The following PLD3 variants were observed in gnomAD, a reference collection of about 807,000 sequenced individuals.
PLD3 encodes the protein 5'-3' exonuclease PLD3.
Under a neutral mutation model 58.4 loss-of-function variants are expected in PLD3, and 31 were observed. The ratio of observed to expected loss-of-function variants is 0.53; its 90% confidence interval spans 0.40 to 0.72. The LOEUF (loss-of-function observed/expected upper bound fraction) is 0.72, where lower values mean the gene tolerates loss of function less well. Among genes scored for constraint, PLD3 ranks in the 30% least tolerant of loss-of-function variants. PLD3 has a pLI of 0.00. For missense variants in PLD3, 595 were observed against 659.8 expected (o/e 0.90, Z 1.08); for synonymous variants, 264 against 273.4 (o/e 0.97, Z 0.34).
Position 40,378,017 on chromosome 19 carries a change from G to A in PLD3, c.1317G>A (p.Thr439=), listed in dbSNP as rs1568688449. ...GTSNWSGNYF[T]ETAGTSLLVT... ...CCAACTGGTCTGGCAACTACTTCAC[G>A]GAGACGGCGGGCACCTCGCTGCTGG... is the stretch of plus-strand genomic sequence containing the variant. The change falls in exon 13 of 13, where the codon ACG becomes ACA. Residue 439 remains threonine, a synonymous_variant. Transcript: ENST00000409735. 7.4e-6 allele frequency: 12 copies of A among 1,613,406 alleles called. No individual in the cohort carries two copies. Among genetic ancestry groups the A allele is most frequent in the Middle Eastern group, 1.7e-4 (1 of 6,056 alleles).
At position 40,374,865 on chromosome 19, in the gene PLD3, G is replaced by T; in HGVS notation, c.1019+245G>T. On this transcript the variant is annotated intron_variant, in intron 10 of 12. Coordinates refer to ENST00000409735, the MANE Select transcript of PLD3 (RefSeq NM_012268.4). ...ACAAGGTTTGAGGGAACAGAGAAAA[G>T]GATGAGAGGGCCGGGCGTGGTGGCT... is the stretch of plus-strand genomic sequence containing the variant. The T allele has an allele frequency of 1.1e-5, 6 of 526,592 alleles. No homozygotes were observed. The South Asian group carries it at 1.3e-4, about 11-fold the overall frequency. 32.6% of individuals were successfully genotyped at this position (526,592 alleles called of 1,614,324 possible).
intron 9 of PLD3, among the ~76,000 whole-genome samples, chr19:40,372,614 G>A (rs2079092723): frequency 1.3e-5 from 2 of 150,148 alleles, no homozygotes; most frequent in African/African-American, 4.9e-5. Context: ...GGCAACATAG[G>A]GAGACATCAT....
intron 1 of PLD3, among the ~76,000 whole-genome samples, chr19:40,352,510 T>TA (rs1305974373): frequency 6.6e-6 from 1 of 152,058 alleles, no homozygotes; most frequent in Non-Finnish European, 1.5e-5. Flanking sequence ...TCTTTTTTTT[T>TA]AACCAAAGTC....
Position 40,378,216 on chromosome 19 carries a change from G to A in PLD3, c.*43G>A, listed in dbSNP as rs377210332. The A allele has an allele frequency of 5.1e-5, 80 of 1,567,912 alleles. No individual in the cohort carries two copies. The African/African-American group carries it at 8.1e-4, about 16-fold the overall frequency. ...AGGCCAAGGCCTGCTGGGCCCCCGC[G>A]GACCCAGGTGCTCTGGGTCACGGTC... On this transcript the variant is annotated 3_prime_UTR_variant, in exon 13 of 13. Coordinates refer to ENST00000409735, the MANE Select transcript of PLD3 (RefSeq NM_012268.4).
chr19:40,364,013 G>A (rs900214996), intron 1 of PLD3, among the ~76,000 whole-genome samples: 5 of 152,180 alleles, frequency 3.3e-5, no homozygotes, highest in African/African-American at 1.2e-4. Context: ...AACCTACACC[G>A]AGATATTTTC....
rs902025071 is a variant in PLD3 at position 40,348,757 on chromosome 19, C to A, written c.-290C>A. The stretch of plus-strand genomic sequence containing the variant: ...TGGGGCTGGGTCTCGGAGTGGGAGA[C>A]GTGGAGTGCAGGTACTGTGCGATCT... On this transcript the variant is annotated 5_prime_UTR_variant, in exon 1 of 13. Coordinates refer to ENST00000409735, the MANE Select transcript of PLD3 (RefSeq NM_012268.4). The A allele has an allele frequency of 3.2e-5, 14 of 435,872 alleles. No homozygotes were observed. The East Asian group carries it at 5.6e-4, about 17-fold the overall frequency. 27.0% of individuals were successfully genotyped at this position (435,872 alleles called of 1,614,324 possible).
chr19:40,369,826 CAAAAT>C (rs1369400743), intron 6 of PLD3, 77 bp from the exon 7 acceptor site: 6 of 1,341,892 alleles, frequency 4.5e-6, no homozygotes, highest in Non-Finnish European at 6.0e-6. Flanking sequence ...AATCATGTCT[CAAAAT>C]AACTCCACCG....
intron 1 of PLD3, among the ~76,000 whole-genome samples, chr19:40,364,217 G>A (rs1160685167): frequency 6.6e-6 from 1 of 151,954 alleles, no homozygotes; most frequent in East Asian, 1.9e-4. Flanking sequence ...AGCTGGTCGT[G>A]GTGGCAGGCG....
chr19:40,374,268 T>A (rs1376508802), intron 9 of PLD3, among the ~76,000 whole-genome samples: 1 of 152,178 alleles, frequency 6.6e-6, no homozygotes, highest in Non-Finnish European at 1.5e-5. Flanking sequence ...GCTCCATTTA[T>A]CTGCTGTGTG....
chr19:40,373,499 C>A (rs1008019669), intron 9 of PLD3, among the ~76,000 whole-genome samples: 1 of 150,890 alleles, frequency 6.6e-6, no homozygotes, highest in Non-Finnish European at 1.5e-5. Flanking sequence ...ATCACTTGAA[C>A]CCAGGAGGTA....
intron 1 of PLD3, among the ~76,000 whole-genome samples, chr19:40,362,312 C>T (rs553382958): frequency 6.6e-6 from 1 of 152,338 alleles, no homozygotes; most frequent in African/African-American, 2.4e-5. Flanking sequence ...GTTGTCACTT[C>T]TCCAAGGTCA....
chr19:40,378,235 C>A lies in PLD3; in HGVS notation c.*62C>A. 2.0e-6 allele frequency: 3 copies of A among 1,500,690 alleles called. No individual in the cohort carries two copies. Among genetic ancestry groups the A allele is most frequent in the South Asian group, 1.1e-5 (1 of 87,734 alleles). The allele number at this position is 1,500,690 out of a possible 1,614,324, so 93.0% of individuals were successfully genotyped here. The stretch of plus-strand genomic sequence containing the variant: ...CCCCGCGGACCCAGGTGCTCTGGGT[C>A]ACGGTCCCTGTCCCCGCGCCCCCGC... On this transcript the variant is annotated 3_prime_UTR_variant, in exon 13 of 13. Coordinates refer to ENST00000409735, the MANE Select transcript of PLD3 (RefSeq NM_012268.4).
At chr19:40,374,842 A>G in intron 10 of PLD3, 1 of 563,862 alleles carries the variant, frequency 1.8e-6, no homozygotes, top group Middle Eastern at 4.9e-4. Context: ...GTTTCAGGAC[A>G]AGGTTTGAGG....
rs140944893 is a variant in PLD3, at chr19:40,348,725, G to A, written c.-322G>A. On this transcript the variant is annotated 5_prime_UTR_variant, in exon 1 of 13. It adds an upstream start codon to the 5' untranslated region. Coordinates refer to ENST00000409735, the MANE Select transcript of PLD3 (RefSeq NM_012268.4). ...GTCAGGCGGGGATACAGCCTGGAAG[G>A]TGCGTGTGGGGCTGGGTCTCGGAGT... 527 of 532,744 alleles carry A rather than the reference G, an allele frequency of 9.9e-4. 3 individuals carry two copies. In the East Asian group the frequency reaches 0.017, roughly 17 times the overall value. 33.0% of individuals were successfully genotyped at this position (532,744 alleles called of 1,614,324 possible).
chr19:40,374,648 C>T (rs1266152343), intron 10 of PLD3, 28 bp downstream of exon 10: 30 of 1,613,162 alleles, frequency 1.9e-5, no homozygotes, highest in Admixed American at 1.5e-4. Context: ...GATAGGGAGC[C>T]GCTGCAGTTG....
At chr19:40,374,362 G>A (rs1362482541) in intron 9 of PLD3, 119 bp from the exon 10 acceptor site, 1 of 1,050,804 alleles carries the variant, frequency 9.5e-7, no homozygotes, top group Non-Finnish European at 1.4e-6. Flanking sequence ...CTTCTTCATG[G>A]AGGCTGAGGA....
chr19:40,360,887 G>A (rs2078764765), intron 1 of PLD3, among the ~76,000 whole-genome samples: 1 of 152,144 alleles, frequency 6.6e-6, no homozygotes, highest in African/African-American at 2.4e-5. Flanking sequence ...GATTACAATT[G>A]CAAAGATCCT....
intron 12 of PLD3, 50 bp downstream of exon 12, chr19:40,377,935 C>G (rs2079280840): frequency 1.2e-6 from 2 of 1,612,576 alleles, no homozygotes; most frequent in African/African-American, 1.3e-5. Context: ...GGTTCAGACA[C>G]CAGGGGCGGC....
chr19:40,378,377 AGCCCCCAAAGAAAT>A lies in PLD3; in HGVS notation c.*206_*219del, dbSNP rs1014186413. The A allele has an allele frequency of 4.5e-6, 3 of 671,134 alleles. No homozygotes were observed. Among genetic ancestry groups the A allele is most frequent in the African/African-American group, 1.8e-5 (1 of 55,620 alleles). 41.6% of individuals were successfully genotyped at this position (671,134 alleles called of 1,614,324 possible). On this transcript the variant is annotated 3_prime_UTR_variant, in exon 13 of 13. Transcript: ENST00000409735. ...ACCCAGCAGAGCTGGGGGAGGGATC[AGCCCCCAAAGAAAT>A]GGGGGTGCATGCTGGGCCTGGCCCC...
Sources: allele counts gnomAD v4.1 joint callset (sites outside exome capture counted in the v4.1 genomes callset), GRCh38; gene constraint gnomAD v4.1.1; transcripts MANE v1.5; gene names NCBI Gene and HGNC (gene_info 2026-07-23, HGNC 2026-07-21).